CP: variants seen among roughly 807,000 people sequenced by gnomAD.
The protein encoded by CP is caeruloplasmin.
A neutral mutation model predicts 122.4 loss-of-function variants in CP; 64 were observed. The observed-to-expected ratio is 0.52, with a 90% CI of 0.43 to 0.64. The LOEUF is 0.64. Ranked by LOEUF, CP falls within the 30% of genes least tolerant of loss-of-function variation. The pLI, the probability that CP is intolerant of heterozygous loss-of-function variation, is 0.00. For missense variants in CP, 1,167 were observed against 1,284.4 expected, an observed-to-expected ratio of 0.91 and a Z score of 1.40; for synonymous variants, 440 against 436.4, an observed-to-expected ratio of 1.01 and a Z score of -0.10.
chr3:149,216,044 T>G (rs1728437593), intron 1 of CP, among the ~76,000 whole-genome samples: 1 of 152,240 alleles, frequency 6.6e-6, no homozygotes, highest in Non-Finnish European at 1.5e-5. Context: ...GATCTTGGTT[T>G]ATGCTTAGAC....
At chr3:149,207,974 A>G (rs1344814149) in intron 4 of CP, among the ~76,000 whole-genome samples, 1 of 152,222 alleles carries the variant, frequency 6.6e-6, no homozygotes, top group African/African-American at 2.4e-5. Flanking sequence ...AATAGAAAAA[A>G]GATTGAATAT....
chr3:149,219,094 T>C (rs1576792185), intron 1 of CP, among the ~76,000 whole-genome samples: 1 of 152,198 alleles, frequency 6.6e-6, no homozygotes, highest in Non-Finnish European at 1.5e-5. Flanking sequence ...AGCATAGTAT[T>C]GGCAAAATTG....
intron 12 of CP, among the ~76,000 whole-genome samples, chr3:149,184,025 C>CTTTTTTTTTTTTTTTT (rs1559939313): frequency 1.5e-5 from 1 of 66,306 alleles, no homozygotes; most frequent in Non-Finnish European, 3.4e-5. Flanking sequence ...TTTTCACTTA[C>CTTTTTTTTTTTTTTTT]TTCTTTTTTT....
rs3816893 is a variant in CP, at chr3:149,209,924, A to T, written c.607+243T>A. Among the ~76,000 whole-genome samples the T allele has an allele frequency of 0.087, 13,310 of 152,208 alleles. 634 individuals carry two copies. Among genetic ancestry groups the T allele is most frequent in the Middle Eastern group, 0.11 (31 of 294 alleles). On this transcript the variant is annotated intron_variant, in intron 3 of 18. Coordinates refer to ENST00000264613, the MANE Select transcript of CP (RefSeq NM_000096.4). Reference sequence around the variant, plus strand: ...TTGGAAGTTAGATACAGCAAACTGAACCCTGAGAGAATATATTTCTTTCAC... The same window carrying T: ...TTGGAAGTTAGATACAGCAAACTGATCCCTGAGAGAATATATTTCTTTCAC...
chr3:149,171,152 C>T (rs1019305521), downstream of CP, among the ~76,000 whole-genome samples: 3 of 152,036 alleles, frequency 2.0e-5, no homozygotes, highest in Non-Finnish European at 4.4e-5. Flanking sequence ...GTGGTGCGCA[C>T]CTGTAGTCCC....
At position 149,173,721 on chromosome 3, in the gene CP, G is replaced by A; in HGVS notation, c.3191C>T (p.Ser1064Phe). Reference sequence around the variant, plus strand: ...ATCACCAATTTATTTCATTCAGCCAGATTTGGTGTCTATAGAAAAAGAAAT... The same window carrying A: ...ATCACCAATTTATTTCATTCAGCCAAATTTGGTGTCTATAGAAAAAGAAAT... ...YTVLQNEDTK[S>F]G is the part of the protein sequence containing the mutation. The change falls in exon 19 of 19, where the codon TCT becomes TTT. Residue 1064 changes from serine (S) to phenylalanine (F), a missense_variant. Physicochemically the swap from Ser to Phe is radical, Grantham distance 155 (BLOSUM62 -2). Around this residue, in one of 2 missense-constraint regions of CP, gnomAD observed 525 missense variants for 657.2 expected, o/e 0.80. Coordinates refer to ENST00000264613, the MANE Select transcript of CP (RefSeq NM_000096.4). The A allele has an allele frequency of 6.9e-7, 1 of 1,447,262 alleles. No homozygotes were observed. The highest frequency in any genetic ancestry group is 9.5e-7 in the Non-Finnish European group (1 of 1,047,670). The allele number at this position is 1,447,262 out of a possible 1,614,324, so 89.7% of individuals were successfully genotyped here.
Position 149,206,158 on chromosome 3 carries a change from T to G in CP, c.1208+10A>C, listed in dbSNP as rs1576772041. The stretch of plus-strand genomic sequence containing the variant: ...ATATTTTGAAATAGTACTCTTTTTT[T>G]GTAAATTACCTTCCAGGTGCTGTTA... On this transcript the variant is annotated intron_variant, in intron 6 of 18. Coordinates refer to ENST00000264613, the MANE Select transcript of CP (RefSeq NM_000096.4). The G allele has an allele frequency of 6.2e-7, 1 of 1,612,962 alleles. No individual in the cohort carries two copies. The highest frequency in any genetic ancestry group is 2.2e-5 in the East Asian group (1 of 44,884).
rs576145772 is a variant in CP, at chr3:149,172,885, A to G, written c.*829T>C. The stretch of plus-strand genomic sequence containing the variant: ...TTTTTTCAGCCAAAGCCTTGTTTCC[A>G]TTTTTGTTGATGTGTACTCTTGCTC... On this transcript the variant is annotated 3_prime_UTR_variant, in exon 19 of 19. Transcript: ENST00000264613. The G allele has an allele frequency of 6.6e-6, 1 of 152,644 alleles. No homozygotes were observed. The highest frequency in any genetic ancestry group is 2.4e-5 in the African/African-American group (1 of 41,472). 9.5% of individuals were successfully genotyped at this position (152,644 alleles called of 1,614,324 possible).
intron 15 of CP, among the ~76,000 whole-genome samples, chr3:149,178,909 C>T (rs1033997704): frequency 1.3e-5 from 2 of 152,294 alleles, no homozygotes; most frequent in Admixed American, 6.5e-5. Flanking sequence ...TTAAAAGAAT[C>T]CCAAATGAAC....
At position 149,212,095 on chromosome 3, in the gene CP, C is replaced by T. The variant is rs940385825; in HGVS notation, c.394+356G>A. On this transcript the variant is annotated intron_variant, in intron 2 of 18. Transcript: ENST00000264613. ...GATCAGGAGGTCAGGAGATCAAGACCATCCTGGCTAACACGGTGAAACCCC... is the reference window on the plus strand; with the variant it reads ...GATCAGGAGGTCAGGAGATCAAGACTATCCTGGCTAACACGGTGAAACCCC... 2.6e-5 allele frequency among the ~76,000 whole-genome samples: 4 copies of T among 151,978 alleles called. No homozygotes were observed. The South Asian group carries it at 8.3e-4, about 32-fold the overall frequency.
intron 2 of CP, among the ~76,000 whole-genome samples, chr3:149,212,052 G>A (rs534975588): frequency 1.3e-5 from 2 of 152,226 alleles, no homozygotes; most frequent in South Asian, 4.1e-4. Flanking sequence ...CCAGCACTTT[G>A]GGAGGCTGAG....
chr3:149,196,698 A>C (rs1726916511), intron 9 of CP, among the ~76,000 whole-genome samples: 1 of 152,204 alleles, frequency 6.6e-6, no homozygotes, highest in African/African-American at 2.4e-5. Flanking sequence ...AACACACCAC[A>C]TATGCTTAAA....
chr3:149,217,049 C>T (rs373580284), intron 1 of CP, among the ~76,000 whole-genome samples: 7 of 151,928 alleles, frequency 4.6e-5, no homozygotes, highest in East Asian at 1.9e-4. Flanking sequence ...TACAGGCGCA[C>T]GCCACCACAC....
downstream of CP, among the ~76,000 whole-genome samples, chr3:149,169,481 G>A (rs953411103): frequency 6.6e-6 from 1 of 152,214 alleles, no homozygotes; most frequent in African/African-American, 2.4e-5. Context: ...ACATGCTTAG[G>A]AGTTTGGATT....
Position 149,198,591 on chromosome 3 carries a change from T to C in CP, c.1502-13A>G. 6.2e-7 allele frequency: 1 copy of C among 1,610,858 alleles called. No individual in the cohort carries two copies. The highest frequency in any genetic ancestry group is 1.7e-5 in the Admixed American group (1 of 59,834). ...GAAGGAGGCACACCTGTGAGAAAGG[T>C]CACATTAGAGAGGTGAAGTGTGCTT... On this transcript the variant is annotated splice_polypyrimidine_tract_variant and intron_variant, in intron 8 of 18. Transcript: ENST00000264613.
downstream of CP, chr3:149,172,355 C>CACACACACACACAT (rs1417486263): frequency 3.2e-6 from 2 of 619,210 alleles, no homozygotes; most frequent in African/African-American, 3.7e-5. Flanking sequence ...CACACACACA[C>CACACACACACACAT]ATATATGATA....
At chr3:149,191,041 A>C (rs575473967) in intron 9 of CP, among the ~76,000 whole-genome samples, 1 of 152,328 alleles carries the variant, frequency 6.6e-6, no homozygotes, top group East Asian at 1.9e-4. Flanking sequence ...GTAGTTGATC[A>C]CATTACAGGA....
At chr3:149,174,791 A>G (rs961514490) in intron 18 of CP, among the ~76,000 whole-genome samples, 1 of 152,160 alleles carries the variant, frequency 6.6e-6, no homozygotes, top group Non-Finnish European at 1.5e-5. Flanking sequence ...TGGGCCAAAG[A>G]TAGTTCAAAC....
At position 149,179,873 on chromosome 3, in the gene CP, T is replaced by C. The variant is rs556321087; in HGVS notation, c.2555-211A>G. 2.1e-5 allele frequency: 11 copies of C among 531,562 alleles called. No homozygotes were observed. In the East Asian group the frequency reaches 3.8e-4, roughly 18 times the overall value. The allele number at this position is 531,562 out of a possible 1,614,324, so 32.9% of individuals were successfully genotyped here. A position where few individuals can be genotyped will look rare whatever the true frequency, so the allele number is the denominator to read the frequency against. ...TGAACTGGAAGACAAAATTTTGTCA[T>C]TTTTTGGGTTAATTTTAAATTAGCT... On this transcript the variant is annotated intron_variant, in intron 14 of 18. Coordinates refer to ENST00000264613, the MANE Select transcript of CP (RefSeq NM_000096.4).
Sources: allele counts gnomAD v4.1 joint callset (sites outside exome capture counted in the v4.1 genomes callset), GRCh38; gene constraint gnomAD v4.1.1; regional missense constraint gnomAD v4.1.1; transcripts MANE v1.5; gene names NCBI Gene and HGNC (gene_info 2026-07-23, HGNC 2026-07-21).